UTRN: variants seen among roughly 807,000 people sequenced by gnomAD.
The protein encoded by UTRN is dystrophin-related protein 1.
In UTRN, 283 loss-of-function variants were observed where a neutral mutation model predicts 463.9. The ratio of observed to expected loss-of-function variants is 0.61; its 90% CI spans 0.55 to 0.67. UTRN has a LOEUF of 0.67. UTRN is among the 30% of genes least tolerant of loss of function. The pLI is 0.00. For synonymous variants in UTRN, 1,442 were observed against 1,431.5 expected (o/e 1.01, Z -0.17); for missense variants, 3,922 against 4,084.3 (o/e 0.96, Z 1.08).
intron 51 of UTRN, among the ~76,000 whole-genome samples, chr6:144,608,068 G>A (rs769771924): frequency 7.2e-5 from 11 of 152,084 alleles, no homozygotes; most frequent in East Asian, 1.9e-4. Context: ...CATGGTATCC[G>A]GATTTTTGTT....
rs187729633 is a variant in UTRN at position 144,398,150 on chromosome 6, C to T, written c.80-4973C>T. On this transcript the variant is annotated intron_variant, in intron 2 of 74. Coordinates refer to ENST00000367545, the MANE Select transcript of UTRN (RefSeq NM_007124.3). The stretch of plus-strand genomic sequence containing the variant: ...GTGTCATCACCACGTTTTCCCTGTT[C>T]CCTGGGGTGGTGTACCTGCTCTTGC... The T allele has an allele frequency of 5.8e-4, 144 of 249,776 alleles. 1 individual carries two copies. Among genetic ancestry groups the T allele is most frequent in the Non-Finnish European group, 9.1e-4 (110 of 120,806 alleles). 15.5% of individuals were successfully genotyped at this position (249,776 alleles called of 1,614,324 possible).
chr6:144,431,938 T>G (rs1785888125), intron 9 of UTRN, among the ~76,000 whole-genome samples: 3 of 152,206 alleles, frequency 2.0e-5, no homozygotes, highest in Non-Finnish European at 4.4e-5. Flanking sequence ...CAAAATGTCT[T>G]TTGTGTGTGT....
At chr6:144,537,809 A>G in intron 44 of UTRN, 92 bp downstream of exon 44, 2 of 1,500,474 alleles carry the variant, frequency 1.3e-6, no homozygotes, top group Non-Finnish European at 1.8e-6. Flanking sequence ...AAAAGGGAAA[A>G]GAAACTTTGT....
chr6:144,848,045 A>G (rs924138594), intron 74 of UTRN, among the ~76,000 whole-genome samples: 6 of 152,148 alleles, frequency 3.9e-5, no homozygotes, highest in African/African-American at 1.4e-4. Flanking sequence ...AGACAAGGGT[A>G]TGTGAAGTAG....
At chr6:144,402,517 A>G (rs1783016690) in intron 2 of UTRN, among the ~76,000 whole-genome samples, 2 of 152,146 alleles carry the variant, frequency 1.3e-5, no homozygotes, top group Admixed American at 6.5e-5. Context: ...AATCAAAACC[A>G]AAACGGATAA....
rs1025710380 is a variant in UTRN at position 144,356,771 on chromosome 6, G to T, written c.80-46352G>T. Among the ~76,000 whole-genome samples, 4 of 152,130 alleles carry T rather than the reference G, an allele frequency of 2.6e-5. No homozygotes were observed. In the East Asian group the frequency reaches 7.7e-4, roughly 29 times the overall value. ...GAGGCAGAGGCGGAGGCTGCAGTGA[G>T]CTGAGATTGCACCACTGCATTCTGT... On this transcript the variant is annotated intron_variant, in intron 2 of 74. Transcript: ENST00000367545.
intron 7 of UTRN, 39 bp downstream of exon 7, chr6:144,426,498 T>C: frequency 6.4e-7 from 1 of 1,566,464 alleles, no homozygotes; most frequent in Non-Finnish European, 8.7e-7. Context: ...CTTTACAAAT[T>C]CATGTCTCCT....
rs1387289075 is a variant in UTRN, at chr6:144,420,548, GA to G, written c.142-1329del. 5.3e-5 allele frequency among the ~76,000 whole-genome samples: 8 copies of G among 152,232 alleles called. No individual in the cohort carries two copies. The East Asian group carries it at 1.3e-3, about 26-fold the overall frequency. ...TGGGATTTTCTGGCATCAGACACTA[GA>G]GCAGGATTATCTGTGGGAGTTGATG... On this transcript the variant is annotated intron_variant, in intron 3 of 74. Transcript: ENST00000367545.
rs1001932188 is a variant in UTRN, at chr6:144,772,997, T to G, written c.8557+1029T>G. 4.1e-4 allele frequency among the ~76,000 whole-genome samples: 62 copies of G among 151,008 alleles called. 1 individual carries two copies. The highest frequency in any genetic ancestry group is 3.7e-3 in the Admixed American group (56 of 15,124). ...TGTGAGTGTTTTTTTTTTTGGTGGG[T>G]GAAGGGGCCTGCAAAAGTTGGACAA... On this transcript the variant is annotated intron_variant, in intron 59 of 74. Coordinates refer to ENST00000367545, the MANE Select transcript of UTRN (RefSeq NM_007124.3).
chr6:144,301,765 C>A (rs1314773507), intron 2 of UTRN, among the ~76,000 whole-genome samples: 1 of 151,926 alleles, frequency 6.6e-6, no homozygotes, highest in Non-Finnish European at 1.5e-5. Flanking sequence ...GAGCTCCTAA[C>A]CTCAAGTGAA....
intron 58 of UTRN, among the ~76,000 whole-genome samples, chr6:144,762,617 T>C (rs896578303): frequency 1.3e-5 from 2 of 152,174 alleles, no homozygotes; most frequent in South Asian, 2.1e-4. Context: ...TGCTTTTTCA[T>C]AGATAGGAAG....
In UTRN at chr6:144,643,756, C is replaced by T. The variant is rs118177698; in HGVS notation, c.7480-34650C>T. Among the ~76,000 whole-genome samples, 91 of 150,966 alleles carry T rather than the reference C, an allele frequency of 6.0e-4. 1 individual carries two copies. In the East Asian group the frequency reaches 7.4e-3, roughly 12 times the overall value. ...AGGTTACAATGAGCCCAGACCATGC[C>T]ATTGCACTCCAGCCTGGACAAGAGT... On this transcript the variant is annotated intron_variant, in intron 51 of 74. Coordinates refer to ENST00000367545, the MANE Select transcript of UTRN (RefSeq NM_007124.3).
At chr6:144,719,005 A>G (rs1376942640) in intron 53 of UTRN, among the ~76,000 whole-genome samples, 2 of 152,206 alleles carry the variant, frequency 1.3e-5, no homozygotes, top group Non-Finnish European at 2.9e-5. Context: ...AAGCAAAACA[A>G]CACAGATGTT....
chr6:144,478,216 C>T (rs1262337296), intron 25 of UTRN, among the ~76,000 whole-genome samples: 1 of 152,036 alleles, frequency 6.6e-6, no homozygotes, highest in African/African-American at 2.4e-5. Context: ...AAAAAAGGAA[C>T]ATTTTAATGC....
chr6:144,404,959 G>T (rs941758130), intron 3 of UTRN, among the ~76,000 whole-genome samples: 16 of 152,154 alleles, frequency 1.1e-4, no homozygotes, highest in African/African-American at 3.4e-4. Flanking sequence ...GCAATTAAAT[G>T]GGGCTTTAAG....
Position 144,437,750 on chromosome 6 carries a change from A to G in UTRN, c.1241+4A>G, listed in dbSNP as rs1786716930. The G allele has an allele frequency of 1.2e-6, 2 of 1,605,240 alleles. No homozygotes were observed. Among genetic ancestry groups the G allele is most frequent in the African/African-American group, 1.3e-5 (1 of 74,202 alleles). On this transcript the variant is annotated splice_donor_region_variant and intron_variant, in intron 11 of 74. Coordinates refer to ENST00000367545, the MANE Select transcript of UTRN (RefSeq NM_007124.3). ...AGAGTATGGACAGACAGTCCCGGTG[A>G]GTGGAAAGCCAAGAAATGCACTTAA...
At chr6:144,667,699 A>G (rs1271868411) in intron 51 of UTRN, among the ~76,000 whole-genome samples, 1 of 152,224 alleles carries the variant, frequency 6.6e-6, no homozygotes, top group African/African-American at 2.4e-5. Context: ...TTGTATCAGG[A>G]GATGACACCA....
intron 5 of UTRN, 66 bp from the exon 6 acceptor site, chr6:144,423,920 C>G: frequency 6.6e-7 from 1 of 1,509,128 alleles, no homozygotes; most frequent in Non-Finnish European, 9.2e-7. Flanking sequence ...AAATAAAAAC[C>G]TGGAGTTCTG....
intron 41 of UTRN, 141 bp from the exon 42 acceptor site, chr6:144,530,911 T>A: frequency 1.0e-6 from 1 of 965,926 alleles, no homozygotes; most frequent in Non-Finnish European, 1.5e-6. Flanking sequence ...CGAAAATTGG[T>A]TTTGTGGAGC....
Sources: gnomAD v4.1 joint callset for allele counts (sites outside exome capture counted in the v4.1 genomes callset) on GRCh38, gnomAD v4.1.1 for gene constraint, MANE v1.5 for transcripts, NCBI Gene and HGNC (gene_info 2026-07-23, HGNC 2026-07-21) for gene names.